PCDHGA6: variants seen among roughly 807,000 people sequenced by gnomAD.
PCDHGA6 encodes protocadherin gamma-A6.
In PCDHGA6, 41 loss-of-function variants were observed where a neutral mutation model predicts 60.6. The ratio of observed to expected loss-of-function variants is 0.68; its 90% CI spans 0.53 to 0.88. The LOEUF (loss-of-function observed/expected upper bound fraction) is 0.88, where lower values mean the gene tolerates loss of function less well. PCDHGA6 is among the 40% of genes least tolerant of loss of function. The pLI is 0.00. For missense variants in PCDHGA6, 1,312 were observed against 1,203.0 expected (o/e 1.09, Z -1.34); for synonymous variants, 594 against 524.4 (o/e 1.13, Z -1.81).
chr5:141,478,624 T>C (rs1300260980), intron 1 of PCDHGA6: 3 of 1,554,196 alleles, frequency 1.9e-6, no homozygotes, highest in Non-Finnish European at 2.6e-6. Context: ...AATGGAGCTG[T>C]TTTTTTAGTG....
intron 1 of PCDHGA6, chr5:141,387,838 A>G: frequency 6.3e-7 from 1 of 1,598,726 alleles, no homozygotes; most frequent in East Asian, 2.2e-5. Context: ...GGTTATTTGT[A>G]ACCCGGCGTC....
intron 1 of PCDHGA6, chr5:141,383,684 T>A: frequency 4.3e-6 from 7 of 1,614,014 alleles, no homozygotes; most frequent in Non-Finnish European, 5.9e-6. Context: ...ACAAGACTGC[T>A]CACGGTACAT....
rs1190624035 is a variant in PCDHGA6, at chr5:141,432,332, T to G, written c.2424+55825T>G. ...GCTGAGCTCCTTCGACTACGAGCAG[T>G]TCCGAGACTTGCAAGTGAAAGTGAT... On this transcript the variant is annotated intron_variant, in intron 1 of 3. Coordinates refer to ENST00000517434, the MANE Select transcript of PCDHGA6 (RefSeq NM_018919.3). The surrounding 1 kb of genome is among the most constrained non-coding windows in gnomAD (Gnocchi z 6.0). The G allele has an allele frequency of 2.5e-6, 4 of 1,614,116 alleles. No homozygotes were observed. In the African/African-American group the frequency reaches 5.3e-5, roughly 22 times the overall value.
rs549307445 is a variant in PCDHGA6, at chr5:141,400,703, G to T, written c.2424+24196G>T. On this transcript the variant is annotated intron_variant, in intron 1 of 3. Transcript: ENST00000517434. The stretch of plus-strand genomic sequence containing the variant: ...TTGTGAGTTTTTATGTCGCATAAAA[G>T]AAGTAGCCTTATAGATTTACAAAGT... 6 of 714,832 alleles carry T rather than the reference G, an allele frequency of 8.4e-6. No homozygotes were observed. In the Admixed American group the frequency reaches 1.4e-4, roughly 17 times the overall value. The allele number at this position is 714,832 out of a possible 1,614,324, so 44.3% of individuals were successfully genotyped here. A position where few individuals can be genotyped will look rare whatever the true frequency, so the allele number is the denominator to read the frequency against.
chr5:141,500,498 C>T (rs1487770160), intron 2 of PCDHGA6, among the ~76,000 whole-genome samples: 5 of 152,120 alleles, frequency 3.3e-5, no homozygotes, highest in African/African-American at 7.2e-5. Context: ...CGTGAGCCAC[C>T]GCGCCTGGCC....
At chr5:141,423,107 T>G (rs1590430250) in intron 1 of PCDHGA6, 1 of 1,613,696 alleles carries the variant, frequency 6.2e-7, no homozygotes, top group East Asian at 2.2e-5. Flanking sequence ...ACGGGCGAGG[T>G]GCGTACAGCG....
At position 141,403,374 on chromosome 5, in the gene PCDHGA6, A is replaced by G. The variant is rs1448394920; in HGVS notation, c.2424+26867A>G. 3.1e-6 allele frequency: 5 copies of G among 1,613,936 alleles called. No individual in the cohort carries two copies. The African/African-American group carries it at 6.7e-5, about 22-fold the overall frequency. ...TTCCAGGCCGAAAGTCTGGAAGTAA[A>G]AATTAACGAAATCGCGGTTCCTGGA... On this transcript the variant is annotated intron_variant, in intron 1 of 3. Transcript: ENST00000517434.
At chr5:141,423,362 T>G (rs1419859253) in intron 1 of PCDHGA6, 1 of 1,614,112 alleles carries the variant, frequency 6.2e-7, no homozygotes, top group African/African-American at 1.3e-5. Flanking sequence ...GTCATCGTGC[T>G]GCTGGCACTC....
intron 1 of PCDHGA6, chr5:141,414,963 G>T (rs2095808106): frequency 1.1e-5 from 17 of 1,614,006 alleles, no homozygotes; most frequent in Non-Finnish European, 1.4e-5. Context: ...CCAAGGTGGT[G>T]GCGGTGGACA....
chr5:141,477,629 C>T lies in PCDHGA6; in HGVS notation c.2425-17178C>T, dbSNP rs1191573380. 6.2e-7 allele frequency: 1 copy of T among 1,614,158 alleles called. No homozygotes were observed. Reference sequence around the variant, plus strand: ...CTTGGAGCAAGGAGCTGAAACCGGGCTAGTGGGTCGCTATTTCACAATAAA... The same window carrying T: ...CTTGGAGCAAGGAGCTGAAACCGGGTTAGTGGGTCGCTATTTCACAATAAA... On this transcript the variant is annotated intron_variant, in intron 1 of 3. Coordinates refer to ENST00000517434, the MANE Select transcript of PCDHGA6 (RefSeq NM_018919.3). The surrounding 1 kb of genome is among the most constrained non-coding windows in gnomAD (Gnocchi z 4.9).
chr5:141,375,603 T>C lies in PCDHGA6; in HGVS notation c.1520T>C (p.Ile507Thr). Residue 507 changes from isoleucine to threonine, a missense_variant, in exon 1 of 4, where the codon ATC becomes ACC. Coordinates refer to ENST00000517434, the MANE Select transcript of PCDHGA6 (RefSeq NM_018919.3). ...GCGCCCCTGTCCTCCTACGTGTCCATCAACTCCGACACTGGGATTCTGTAC... is the reference window on the plus strand; with the variant it reads ...GCGCCCCTGTCCTCCTACGTGTCCACCAACTCCGACACTGGGATTCTGTAC... ...QGAPLSSYVSINSDTGILYAL... is the reference protein window; with the variant it reads ...QGAPLSSYVSTNSDTGILYAL... The C allele has an allele frequency of 2.5e-6, 4 of 1,614,158 alleles. No homozygotes were observed. The highest frequency in any genetic ancestry group is 1.1e-5 in the South Asian group (1 of 91,082).
At chr5:141,395,468 C>T (rs909198422) in intron 1 of PCDHGA6, 2 of 569,714 alleles carry the variant, frequency 3.5e-6, no homozygotes, top group African/African-American at 3.8e-5. Flanking sequence ...TTAAGCCTTC[C>T]AGTATTTTAT....
Position 141,476,263 on chromosome 5 carries a change from C to G in PCDHGA6, c.2425-18544C>G. 13 of 1,613,940 alleles carry G rather than the reference C, an allele frequency of 8.1e-6. No individual in the cohort carries two copies. Among genetic ancestry groups the G allele is most frequent in the Non-Finnish European group, 1.1e-5 (13 of 1,180,010 alleles). On this transcript the variant is annotated intron_variant, in intron 1 of 3. Transcript: ENST00000517434. This position sits in a 1 kb window ranked among gnomAD's most constrained non-coding sequence, Gnocchi z 7.6. ...GAGAGAAGGGTTTCGCTGTGGGCAA[C>G]GTGGTCGCGAACCTTGGTTTGGATC...
intron 1 of PCDHGA6, chr5:141,389,909 C>A: frequency 6.2e-7 from 1 of 1,614,068 alleles, no homozygotes; most frequent in Non-Finnish European, 8.5e-7. Flanking sequence ...ATATCACTGA[C>A]CGCCCCGACC....
At chr5:141,450,241 C>T (rs1236675009) in intron 1 of PCDHGA6, among the ~76,000 whole-genome samples, 1 of 152,094 alleles carries the variant, frequency 6.6e-6, no homozygotes, top group East Asian at 1.9e-4. Flanking sequence ...TAGTCTTGAA[C>T]TCCTGACCTC....
Position 141,511,250 on chromosome 5 carries a change from CAG to C in PCDHGA6, c.*80_*81del. 2 of 1,571,674 alleles carry C rather than the reference CAG, an allele frequency of 1.3e-6. No homozygotes were observed. Among genetic ancestry groups the C allele is most frequent in the Non-Finnish European group, 1.7e-6 (2 of 1,158,794 alleles). On this transcript the variant is annotated 3_prime_UTR_variant, in exon 4 of 4. Transcript: ENST00000517434. ...CTTCTCCTTACCTGCACCCAGGCCT[CAG>C]AGTTTCAGGGCTAACCCCCAGAATA...
At chr5:141,460,666 C>G (rs1245201344) in intron 1 of PCDHGA6, among the ~76,000 whole-genome samples, 1 of 151,670 alleles carries the variant, frequency 6.6e-6, no homozygotes, top group South Asian at 2.1e-4. Context: ...ACTGTAAACA[C>G]AGTTATATAT....
At chr5:141,404,058 T>C (rs1411363585) in intron 1 of PCDHGA6, 1 of 1,613,778 alleles carries the variant, frequency 6.2e-7, no homozygotes, top group Non-Finnish European at 8.5e-7. Flanking sequence ...ATTCTTCTTT[T>C]CAATGCTCAT....
intron 1 of PCDHGA6, chr5:141,390,342 G>A (rs1484978612): frequency 6.3e-7 from 1 of 1,581,534 alleles, no homozygotes; most frequent in Non-Finnish European, 8.6e-7. Context: ...ATATTCACAA[G>A]AAAATATACA....
Sources: allele counts gnomAD v4.1 joint callset (sites outside exome capture counted in the v4.1 genomes callset), GRCh38; gene constraint gnomAD v4.1.1; non-coding constraint Gnocchi (gnomAD v3.1); transcripts MANE v1.5; gene names NCBI Gene and HGNC (gene_info 2026-07-23, HGNC 2026-07-21).